SNX8: variants seen among roughly 807,000 people sequenced by gnomAD.
SNX8 encodes sorting nexin 8, also known as sorting nexin-8.
In SNX8, 25 loss-of-function variants were observed where a neutral mutation model predicts 51.6. The observed-to-expected ratio is 0.48, with a 90% CI of 0.35 to 0.68. SNX8 has a LOEUF of 0.68. Among genes scored for constraint, SNX8 ranks in the 30% least tolerant of loss-of-function variants. The probability of loss-of-function intolerance (pLI) is 0.00; values close to 1 mark genes in which losing one functional copy is unlikely to be tolerated. For missense variants in SNX8, 695 were observed against 624.0 expected (o/e 1.11, Z -1.21); for synonymous variants, 324 against 277.0 (o/e 1.17, Z -1.68).
At chr7:2,263,474 G>T (rs2286207) in intron 6 of SNX8, 112 bp from the exon 7 acceptor site, 1 of 1,069,846 alleles carries the variant, frequency 9.3e-7, no homozygotes, top group Non-Finnish European at 1.3e-6. Flanking sequence ...GCGTGACCCC[G>T]TCCTAGGACC....
chr7:2,258,599 G>GT (rs1346383028), intron 7 of SNX8, among the ~76,000 whole-genome samples: 2 of 152,338 alleles, frequency 1.3e-5, no homozygotes, highest in African/African-American at 2.4e-5. Flanking sequence ...CTCCGCATCA[G>GT]TAACAGGAGA....
intron 7 of SNX8, 84 bp downstream of exon 7, chr7:2,263,146 C>T (rs954615964): frequency 1.8e-5 from 27 of 1,465,044 alleles, no homozygotes; most frequent in Middle Eastern, 1.8e-4. Flanking sequence ...CGAACTGTGA[C>T]GCCCATCTAA....
intron 1 of SNX8, among the ~76,000 whole-genome samples, chr7:2,293,244 T>A (rs1428319474): frequency 1.4e-5 from 2 of 147,970 alleles, no homozygotes. Flanking sequence ...CCTCCCAAAG[T>A]GCTGGAATTA....
At chr7:2,349,728 G>A (rs1004865747) in intron 1 of SNX8, among the ~76,000 whole-genome samples, 4 of 151,942 alleles carry the variant, frequency 2.6e-5, no homozygotes, top group African/African-American at 9.7e-5. Flanking sequence ...GAGCCACCGC[G>A]CCTGGCCAAT....
At chr7:2,300,841 C>G (rs1796374266) in intron 1 of SNX8, among the ~76,000 whole-genome samples, 1 of 152,042 alleles carries the variant, frequency 6.6e-6, no homozygotes, top group Admixed American at 6.6e-5. Flanking sequence ...CGGGGTTTCA[C>G]CATGTTGGCC....
chr7:2,262,020 C>A (rs1795348526), intron 7 of SNX8, among the ~76,000 whole-genome samples: 2 of 152,134 alleles, frequency 1.3e-5, no homozygotes, highest in South Asian at 4.1e-4. Flanking sequence ...CAGCAAGCTC[C>A]CACATTCACA....
chr7:2,350,443 C>T (rs764125636), intron 1 of SNX8, among the ~76,000 whole-genome samples: 6 of 152,146 alleles, frequency 3.9e-5, no homozygotes, highest in Non-Finnish European at 7.3e-5. Context: ...TATAATTTCA[C>T]GGAAACTATA....
chr7:2,253,039 T>C lies in SNX8; in HGVS notation c.*2017A>G. ...CCTGCTCCCCCAACTCCTGCCCTCC[T>C]GCTCCCTCCTCACCCCTGCCCTCCA... On this transcript the variant is annotated 3_prime_UTR_variant, in exon 11 of 11. Coordinates refer to ENST00000222990, the MANE Select transcript of SNX8 (RefSeq NM_013321.4). 1 of 132,328 alleles carries C rather than the reference T, an allele frequency of 7.6e-6. No homozygotes were observed. Among genetic ancestry groups the C allele is most frequent in the Non-Finnish European group, 1.6e-5 (1 of 63,244 alleles). The allele number at this position is 132,328 out of a possible 1,614,324, so 8.2% of individuals were successfully genotyped here. A position where few individuals can be genotyped will look rare whatever the true frequency, so the allele number is the denominator to read the frequency against.
chr7:2,350,729 C>G (rs1779121089), intron 1 of SNX8, among the ~76,000 whole-genome samples: 1 of 152,126 alleles, frequency 6.6e-6, no homozygotes, highest in Admixed American at 6.5e-5. Flanking sequence ...TCACTGCAGC[C>G]TCTGCCTCCT....
chr7:2,257,168 G>A, intron 9 of SNX8, 145 bp from the exon 10 acceptor site: 1 of 1,187,470 alleles, frequency 8.4e-7, no homozygotes, highest in Non-Finnish European at 1.2e-6. Context: ...AGGTAAGAGA[G>A]GGCCGGGGAG....
chr7:2,256,979 G>A lies in SNX8; in HGVS notation c.1179C>T (p.Ser393=), dbSNP rs993125532. The A allele has an allele frequency of 2.5e-6, 4 of 1,613,052 alleles. No individual in the cohort carries two copies. In the African/African-American group the frequency reaches 5.3e-5, roughly 22 times the overall value. ...GCGTCTCCTGGTGCAGGCAGTACAG[G>A]GAGAAGTAGTTCCGCAGCTCCATCG... The part of the protein sequence containing the change: ...IQTMELRNYF[S]LYCLHQETQL... The change falls in exon 10 of 11, where the codon TCC becomes TCT. Residue 393 remains serine, a synonymous_variant. Transcript: ENST00000222990.
chr7:2,341,564 T>C (rs1019980267), intron 1 of SNX8, among the ~76,000 whole-genome samples: 1 of 152,056 alleles, frequency 6.6e-6, no homozygotes, highest in Admixed American at 6.6e-5. Context: ...CCTAGCACTT[T>C]GGGAGGCCGA....
chr7:2,275,022 A>T, intron 3 of SNX8, 90 bp downstream of exon 3: 1 of 893,456 alleles, frequency 1.1e-6, no homozygotes, highest in Non-Finnish European at 1.9e-6. Flanking sequence ...GCCCCGGTCT[A>T]CAGTGGGGTC....
intron 1 of SNX8, among the ~76,000 whole-genome samples, chr7:2,295,991 G>A (rs573366647): frequency 6.6e-6 from 1 of 152,312 alleles, no homozygotes; most frequent in African/African-American, 2.4e-5. Context: ...CAGCCTTAGA[G>A]ATTAACTTGA....
chr7:2,308,059 G>A (rs530831820), intron 1 of SNX8: 8 of 152,280 alleles, frequency 5.3e-5, no homozygotes, highest in African/African-American at 1.7e-4. Flanking sequence ...GTGTGTGTGT[G>A]TGTGAGAGAG....
intron 5 of SNX8, among the ~76,000 whole-genome samples, chr7:2,267,883 C>G (rs1293322804): frequency 5.4e-5 from 6 of 112,038 alleles, no homozygotes; most frequent in Non-Finnish European, 9.3e-5. Flanking sequence ...CTCTTCCCAG[C>G]CGCCATCACA....
intron 1 of SNX8, chr7:2,307,790 C>A (rs955411040): frequency 6.6e-6 from 1 of 152,188 alleles, no homozygotes; most frequent in Non-Finnish European, 1.5e-5. Context: ...TCCTGTGAAA[C>A]CACCCACGTC....
At chr7:2,319,132 AG>A (rs1349218286), upstream of SNX8, among the ~76,000 whole-genome samples, 1 of 151,596 alleles carries the variant, frequency 6.6e-6, no homozygotes, top group Non-Finnish European at 1.5e-5. Flanking sequence ...TGAGTTCAGA[AG>A]TTCAAGACCA....
chr7:2,284,949 C>T (rs376000640), intron 1 of SNX8, among the ~76,000 whole-genome samples: 6 of 152,068 alleles, frequency 3.9e-5, no homozygotes, highest in East Asian at 1.9e-4. Flanking sequence ...GAGTGCCTCA[C>T]GCCTGTAAAT....
Sources: allele counts gnomAD v4.1 joint callset (sites outside exome capture counted in the v4.1 genomes callset), GRCh38; gene constraint gnomAD v4.1.1; transcripts MANE v1.5; gene names NCBI Gene and HGNC (gene_info 2026-07-23, HGNC 2026-07-21).